The following DDX60 variants were observed in gnomAD, a reference collection of about 807,000 sequenced individuals.
The protein encoded by DDX60 is DExD/H-box helicase 60.
In DDX60, 165 loss-of-function variants were observed where a neutral mutation model predicts 212.8. That is an observed-to-expected ratio of 0.78 (90% CI 0.68 to 0.88). DDX60 has a LOEUF of 0.88. Ranked by LOEUF, DDX60 falls within the 40% of genes least tolerant of loss-of-function variation. The pLI is 0.00. For synonymous variants in DDX60, 703 were observed against 685.3 expected (o/e 1.03, Z -0.40); for missense variants, 1,905 against 2,003.9 (o/e 0.95, Z 0.94).
chr4:168,302,684 G>A (rs1363829461), intron 5 of DDX60, among the ~76,000 whole-genome samples: 2 of 152,024 alleles, frequency 1.3e-5, no homozygotes, highest in Non-Finnish European at 2.9e-5. Context: ...CCTTCATTTT[G>A]TTACAATTCA....
intron 16 of DDX60, 35 bp downstream of exon 16, chr4:168,275,310 A>AT: frequency 6.4e-7 from 1 of 1,560,036 alleles, no homozygotes; most frequent in East Asian, 2.3e-5. Context: ...TATAATAAGA[A>AT]AATACAGTAA....
chr4:168,233,696 T>C (rs956200935), intron 33 of DDX60, among the ~76,000 whole-genome samples: 1 of 152,070 alleles, frequency 6.6e-6, no homozygotes, highest in African/African-American at 2.4e-5. Flanking sequence ...CAATGGACTT[T>C]GGGGACCCAT....
intron 33 of DDX60, 23 bp downstream of exon 33, chr4:168,236,229 T>G: frequency 6.2e-7 from 1 of 1,603,488 alleles, no homozygotes; most frequent in Non-Finnish European, 8.5e-7. Flanking sequence ...ATTACTAAAT[T>G]TTATCAGAAT....
chr4:168,219,573 T>C (rs957157610), intron 37 of DDX60, among the ~76,000 whole-genome samples: 6 of 152,076 alleles, frequency 3.9e-5, no homozygotes, highest in African/African-American at 1.2e-4. Flanking sequence ...TACTCTGTTA[T>C]AAAAAGTCCA....
rs936662504 is a variant in DDX60, at chr4:168,237,194, A to T, written c.4411+92T>A. On this transcript the variant is annotated intron_variant, in intron 32 of 37. Transcript: ENST00000393743. ...TCTACATATTAATTGTATTTTCTTT[A>T]TTAAAAATATTCCTGAAGTGTTGTT... The T allele has an allele frequency of 1.2e-4, 107 of 883,294 alleles. 1 individual carries two copies. Among genetic ancestry groups the T allele is most frequent in the African/African-American group, 3.5e-5 (2 of 56,740 alleles). The allele number at this position is 883,294 out of a possible 1,614,324, so 54.7% of individuals were successfully genotyped here.
At chr4:168,320,474 T>C (rs1737578885), upstream of DDX60, among the ~76,000 whole-genome samples, 1 of 151,978 alleles carries the variant, frequency 6.6e-6, no homozygotes, top group Admixed American at 6.6e-5. Context: ...TTTTTTTTTC[T>C]AGAGCCTCCA....
At chr4:168,255,535 T>C (rs1734369349) in intron 26 of DDX60, among the ~76,000 whole-genome samples, 176 bp downstream of exon 26, 1 of 152,192 alleles carries the variant, frequency 6.6e-6, no homozygotes, top group South Asian at 2.1e-4. Flanking sequence ...GGAATGAATG[T>C]ACAATTATGG....
chr4:168,219,240 G>A (rs961033252), intron 37 of DDX60, among the ~76,000 whole-genome samples: 2 of 151,144 alleles, frequency 1.3e-5, no homozygotes, highest in Middle Eastern at 3.4e-3. Context: ...GCAGTGAGCC[G>A]AGATCGCAAC....
intron 33 of DDX60, among the ~76,000 whole-genome samples, chr4:168,227,236 A>C (rs1733290310): frequency 1.3e-5 from 2 of 151,486 alleles, no homozygotes; most frequent in South Asian, 4.1e-4. Flanking sequence ...ATAATAGATT[A>C]AATTTCTTTA....
At chr4:168,265,326 C>G (rs968200869) in intron 22 of DDX60, 2 of 152,076 alleles carry the variant, frequency 1.3e-5, no homozygotes, top group Non-Finnish European at 2.9e-5. Flanking sequence ...TCATATTAAT[C>G]TGAAAAATGG....
chr4:168,227,114 G>A (rs1733283745), intron 33 of DDX60, among the ~76,000 whole-genome samples: 1 of 151,820 alleles, frequency 6.6e-6, no homozygotes, highest in African/African-American at 2.4e-5. Flanking sequence ...ATACAAACTG[G>A]TGTTTTAATA....
At position 168,287,041 on chromosome 4, in the gene DDX60, T is replaced by G; in HGVS notation, c.1339+7A>C. Reference sequence around the variant, plus strand: ...TTTCATTTCAGATTAATTTAGAAATTTATTACCTTTGATTGGTGATGGTTT... The same window carrying G: ...TTTCATTTCAGATTAATTTAGAAATGTATTACCTTTGATTGGTGATGGTTT... On this transcript the variant is annotated splice_region_variant and intron_variant, in intron 10 of 37. Transcript: ENST00000393743. 2 of 1,591,592 alleles carry G rather than the reference T, an allele frequency of 1.3e-6. No homozygotes were observed. The highest frequency in any genetic ancestry group is 1.7e-6 in the Non-Finnish European group (2 of 1,172,066).
At chr4:168,315,529 T>G (rs1322087453) in intron 1 of DDX60, among the ~76,000 whole-genome samples, 1 of 152,188 alleles carries the variant, frequency 6.6e-6, no homozygotes, top group Non-Finnish European at 1.5e-5. Context: ...ATCCAGGTTT[T>G]AAGCACCTCA....
intron 33 of DDX60, among the ~76,000 whole-genome samples, chr4:168,226,556 G>A (rs1391732194): frequency 2.0e-5 from 3 of 151,978 alleles, no homozygotes; most frequent in Admixed American, 2.0e-4. Flanking sequence ...TAGCAGGTGT[G>A]TATATTCATG....
intron 30 of DDX60, among the ~76,000 whole-genome samples, chr4:168,239,693 G>A (rs759608445): frequency 3.3e-5 from 5 of 152,056 alleles, no homozygotes; most frequent in Non-Finnish European, 7.4e-5. Context: ...AGAAGAAACA[G>A]CAAGAGCCAT....
chr4:168,241,251 T>A (rs948420847), intron 30 of DDX60, among the ~76,000 whole-genome samples: 3 of 152,262 alleles, frequency 2.0e-5, no homozygotes, highest in East Asian at 3.9e-4. Flanking sequence ...ATCAGCAGCA[T>A]GAAAACAGAC....
intron 1 of DDX60, among the ~76,000 whole-genome samples, chr4:168,315,446 A>G (rs1737322403): frequency 6.6e-6 from 1 of 152,228 alleles, no homozygotes; most frequent in African/African-American, 2.4e-5. Context: ...TCTGAAATAC[A>G]TGTGCAGAAC....
upstream of DDX60, among the ~76,000 whole-genome samples, chr4:168,321,506 T>C (rs1468837563): frequency 6.6e-6 from 1 of 152,232 alleles, no homozygotes; most frequent in Non-Finnish European, 1.5e-5. Flanking sequence ...TGATACCTTT[T>C]TTTCTGTTCC....
Position 168,273,293 on chromosome 4 carries a change from C to T in DDX60, c.2560G>A (p.Ala854Thr). Residue 854 changes from alanine (A) to threonine (T), a missense_variant, in exon 18 of 38, where the codon GCC (alanine) becomes ACC (threonine). Physicochemically the swap from Ala to Thr is moderately conservative, Grantham distance 58. Transcript: ENST00000393743. ...AAATACCCTACCTGACAGTTTAAGG[C>T]ATCATGACGATACTCCCTGGTGAAA... ...GVFTREYRHDALNCQVLITVP... is the reference protein window; with the variant it reads ...GVFTREYRHDTLNCQVLITVP... 6.2e-7 allele frequency: 1 copy of T among 1,613,646 alleles called. No individual in the cohort carries two copies. Among genetic ancestry groups the T allele is most frequent in the Non-Finnish European group, 8.5e-7 (1 of 1,179,738 alleles).
Sources: gnomAD v4.1 joint callset for allele counts (sites outside exome capture counted in the v4.1 genomes callset) on GRCh38, gnomAD v4.1.1 for gene constraint, MANE v1.5 for transcripts, NCBI Gene and HGNC (gene_info 2026-07-23, HGNC 2026-07-21) for gene names.